STAT5B: variants seen among roughly 807,000 people sequenced by gnomAD.
STAT5B encodes transcription factor STAT5B.
A neutral mutation model predicts 107.8 loss-of-function variants in STAT5B; 21 were observed. The ratio of observed to expected loss-of-function variants is 0.19; its 90% CI spans 0.14 to 0.28. The LOEUF is 0.28. Ranked by LOEUF, STAT5B falls within the 10% of genes least tolerant of loss-of-function variation. STAT5B has a pLI of 1.00. For missense variants in STAT5B, 565 were observed against 1,008.2 expected, an observed-to-expected ratio of 0.56 and a Z score of 5.95; for synonymous variants, 325 against 401.7, an observed-to-expected ratio of 0.81 and a Z score of 2.28.
Position 42,201,875 on chromosome 17 carries a change from AAAG to A in STAT5B, c.2238-14_2238-12del. The A allele has an allele frequency of 6.2e-7, 1 of 1,613,488 alleles. No individual in the cohort carries two copies. The highest frequency in any genetic ancestry group is 8.5e-7 in the Non-Finnish European group (1 of 1,179,768). On this transcript the variant is annotated splice_polypyrimidine_tract_variant and intron_variant, in intron 18 of 18. Coordinates refer to ENST00000293328, the MANE Select transcript of STAT5B (RefSeq NM_012448.4). ...AGGACTGAGTCAGGGCTTGGGAGGG[AAAG>A]AAGAGGGATGAAGGGAAGGGGAAAG...
the STAT5B span, among the ~76,000 whole-genome samples, chr17:42,286,244 A>C: frequency 1.1e-4 from 17 of 151,456 alleles, no homozygotes; most frequent in Admixed American, 1.1e-3. Context: ...AAAAAAAAAA[A>C]AAAAAAAAAA....
chr17:42,207,451 G>C, intron 16 of STAT5B, 107 bp downstream of exon 16: 1 of 1,411,060 alleles, frequency 7.1e-7, no homozygotes, highest in African/African-American at 1.4e-5. Context: ...GTAATTGTGT[G>C]GGTTTTCACA....
intron 1 of STAT5B, among the ~76,000 whole-genome samples, chr17:42,248,307 A>T (rs2080469340): frequency 6.6e-6 from 1 of 151,432 alleles, no homozygotes; most frequent in Admixed American, 6.6e-5. Context: ...TCTTATTCTA[A>T]TTCTGAGAAG....
intron 1 of STAT5B, among the ~76,000 whole-genome samples, chr17:42,246,855 G>T (rs1379707580): frequency 6.6e-6 from 1 of 152,144 alleles, no homozygotes; most frequent in Non-Finnish European, 1.5e-5. Context: ...CGTGAAGGCC[G>T]TTGACAGTTC....
rs949689809 is a variant in STAT5B, at chr17:42,232,848, T to G, written c.-10-711A>C. ...TAAATAATTAGCAGAGAGTTTTTTT[T>G]TTTTTTTTTTTGAGACAGAGTCTTG... is the stretch of plus-strand genomic sequence containing the variant. On this transcript the variant is annotated intron_variant, in intron 1 of 18. Transcript: ENST00000293328. Among the ~76,000 whole-genome samples, 19 of 151,286 alleles carry G rather than the reference T, an allele frequency of 1.3e-4. No homozygotes were observed. In the South Asian group the frequency reaches 1.7e-3, roughly 13 times the overall value.
intron 13 of STAT5B, chr17:42,210,731 C>T (rs931292108): frequency 3.8e-6 from 2 of 523,330 alleles, no homozygotes; most frequent in East Asian, 7.3e-5. Flanking sequence ...GCTACAGACA[C>T]TTTCACCTGG....
intron 1 of STAT5B, among the ~76,000 whole-genome samples, chr17:42,260,917 C>CT (rs11402155): frequency 0.36 from 50,366 of 141,790 alleles, 9,992 homozygotes; most frequent in African/African-American, 0.55. Context: ...TATGTCTTAC[C>CT]TTTTTTTTTT....
intron 9 of STAT5B, chr17:42,217,869 TA>T: frequency 2.1e-6 from 1 of 470,382 alleles, no homozygotes; most frequent in Non-Finnish European, 3.8e-6. Flanking sequence ...CACGCCCGGC[TA>T]ATTTTTTGTA....
At chr17:42,287,330 A>ACCC in the STAT5B span, among the ~76,000 whole-genome samples, 4,840 of 144,398 alleles carry the variant, frequency 0.034, 212 homozygotes, top group African/African-American at 0.098. Flanking sequence ...ATGAGAATGC[A>ACCC]CCCCCCCCAA....
In STAT5B at chr17:42,218,741, A is replaced by T; in HGVS notation, c.971T>A (p.Ile324Asn). ...CAGTCACCTGGTCACCAGGGCTGAG[A>T]TAATGTCCGTGATGGTGGCGTTGAC... ...AEVNATITDI[I>N]SALVTSTFII... Residue 324 changes from isoleucine to asparagine, a missense_variant, in exon 8 of 19, where the codon ATC becomes AAC. Transcript: ENST00000293328. 5.0e-6 allele frequency: 8 copies of T among 1,612,780 alleles called. No individual in the cohort carries two copies. Among genetic ancestry groups the T allele is most frequent in the Non-Finnish European group, 6.8e-6 (8 of 1,179,408 alleles).
chr17:42,201,700 G>T lies in STAT5B; in HGVS notation c.*38C>A. 7.9e-7 allele frequency: 1 copy of T among 1,258,384 alleles called. No homozygotes were observed. The highest frequency in any genetic ancestry group is 1.2e-6 in the Non-Finnish European group (1 of 855,032). 78.0% of individuals were successfully genotyped at this position (1,258,384 alleles called of 1,614,324 possible). A position where few individuals can be genotyped will look rare whatever the true frequency, so the allele number is the denominator to read the frequency against. On this transcript the variant is annotated 3_prime_UTR_variant, in exon 19 of 19. Coordinates refer to ENST00000293328, the MANE Select transcript of STAT5B (RefSeq NM_012448.4). Reference sequence around the variant, plus strand: ...AACATCCACAAGAGTGATTCCTCTGGTGAAGATGAAGAAGCTGAAGATGGA... The same window carrying T: ...AACATCCACAAGAGTGATTCCTCTGTTGAAGATGAAGAAGCTGAAGATGGA...
At chr17:42,227,900 T>TC (rs1567664052) in intron 2 of STAT5B, among the ~76,000 whole-genome samples, 1 of 152,032 alleles carries the variant, frequency 6.6e-6, no homozygotes, top group East Asian at 1.9e-4. Flanking sequence ...TTTCCTTCTT[T>TC]TAAAAAAAAA....
At chr17:42,219,214 G>A in intron 7 of STAT5B, 98 bp downstream of exon 7, 10 of 1,477,142 alleles carry the variant, frequency 6.8e-6, no homozygotes, top group Non-Finnish European at 9.1e-6. Context: ...GTCCCAGGAT[G>A]GAGGGGGCCT....
At chr17:42,272,602 G>C (rs1474769556) in intron 1 of STAT5B, 1 of 152,142 alleles carries the variant, frequency 6.6e-6, no homozygotes, top group East Asian at 1.9e-4. Context: ...ACTCAGTAAA[G>C]CTGTCATGAA....
At chr17:42,254,837 A>C (rs1189793528) in intron 1 of STAT5B, among the ~76,000 whole-genome samples, 6 of 152,230 alleles carry the variant, frequency 3.9e-5, no homozygotes, top group Non-Finnish European at 8.8e-5. Flanking sequence ...TCATGCCTGT[A>C]ATCCCAACAC....
At chr17:42,278,608 C>T (rs2144457900), upstream of STAT5B, among the ~76,000 whole-genome samples, 1 of 152,216 alleles carries the variant, frequency 6.6e-6, no homozygotes, top group South Asian at 2.1e-4. Flanking sequence ...ACCTCCTGGG[C>T]TCAAGCAATC....
At chr17:42,278,366 C>T (rs1342256419), upstream of STAT5B, among the ~76,000 whole-genome samples, 1 of 152,166 alleles carries the variant, frequency 6.6e-6, no homozygotes, top group Non-Finnish European at 1.5e-5. Flanking sequence ...AAATGCTATG[C>T]TCTAGGAATG....
intron 1 of STAT5B, among the ~76,000 whole-genome samples, chr17:42,256,577 C>A (rs1037865863): frequency 6.6e-6 from 1 of 151,912 alleles, no homozygotes; most frequent in African/African-American, 2.4e-5. Flanking sequence ...AGACTACATT[C>A]GGCCAGGCAC....
At chr17:42,250,942 AT>A (rs1282638500) in intron 1 of STAT5B, among the ~76,000 whole-genome samples, 10 of 151,374 alleles carry the variant, frequency 6.6e-5, no homozygotes, top group Non-Finnish European at 1.5e-4. Context: ...AAAAAAAAAA[AT>A]CATCAGCTAG....
Sources: gnomAD v4.1 joint callset for allele counts (sites outside exome capture counted in the v4.1 genomes callset) on GRCh38, gnomAD v4.1.1 for gene constraint, MANE v1.5 for transcripts, NCBI Gene and HGNC (gene_info 2026-07-23, HGNC 2026-07-21) for gene names.